Variants in EIF3D observed in about 807,000 individuals in gnomAD.
EIF3D encodes eukaryotic translation initiation factor 3 subunit D.
Under a neutral mutation model 75.4 loss-of-function variants are expected in EIF3D, and 10 were observed. That is an observed-to-expected ratio of 0.13 (90% CI 0.08 to 0.22). The LOEUF (loss-of-function observed/expected upper bound fraction) is 0.22. Among genes scored for constraint, EIF3D ranks in the 10% least tolerant of loss-of-function variants. EIF3D has a pLI of 1.00. For missense variants in EIF3D, 394 were observed against 708.0 expected, an observed-to-expected ratio of 0.56 and a Z score of 5.03; for synonymous variants, 246 against 248.3, an observed-to-expected ratio of 0.99 and a Z score of 0.09.
At chr22:36,511,270 A>AC in intron 14 of EIF3D, 1 of 879,056 alleles carries the variant, frequency 1.1e-6, no homozygotes, top group South Asian at 1.9e-5. Flanking sequence ...ATCTTCCTCT[A>AC]CCTCTGCCAC....
chr22:36,513,558 C>T (rs62229999), intron 12 of EIF3D, among the ~76,000 whole-genome samples: 3,881 of 152,322 alleles, frequency 0.025, 84 homozygotes, highest in Non-Finnish European at 0.04. Flanking sequence ...TCGCCCCGGC[C>T]TCCCAAAGTG....
In EIF3D at chr22:36,525,675, T is replaced by C. The variant is rs1490724642; in HGVS notation, c.158A>G (p.Lys53Arg). The change falls in exon 3 of 15, where the codon AAG (lysine) becomes AGG (arginine). Residue 53 changes from lysine (K) to arginine (R), a missense_variant. Transcript: ENST00000216190. The stretch of plus-strand genomic sequence containing the variant: ...GCAGAAACACTTACTTGTGTACCTC[T>C]TATCTTGGTATGTGGCTCCTGTCCA... Reference protein sequence around the residue: ...ADWTGATYQDKRYTNKYSSQF... With the variant: ...ADWTGATYQDRRYTNKYSSQF... 1.9e-6 allele frequency: 3 copies of C among 1,613,454 alleles called. No homozygotes were observed. In the South Asian group the frequency reaches 3.3e-5, roughly 18 times the overall value.
chr22:36,511,818 C>T, intron 13 of EIF3D, 32 bp from the exon 14 acceptor site: 3 of 1,596,044 alleles, frequency 1.9e-6, no homozygotes, highest in Non-Finnish European at 2.6e-6. Flanking sequence ...GTGGTCAGAG[C>T]AGGGCAGCAC....
intron 9 of EIF3D, among the ~76,000 whole-genome samples, chr22:36,518,541 T>A (rs1355197376): frequency 6.6e-6 from 1 of 151,546 alleles, no homozygotes; most frequent in Non-Finnish European, 1.5e-5. Flanking sequence ...AAGCTTGCTA[T>A]TAGGGTGCTG....
In EIF3D at chr22:36,511,560, T is replaced by A; in HGVS notation, c.1576A>T (p.Thr526Ser). Residue 526 changes from threonine (T) to serine (S), a missense_variant, in exon 14 of 15, where the codon ACC becomes TCC. By Grantham distance (58) the Thr-to-Ser change is moderately conservative. Transcript: ENST00000216190. Reference sequence around the variant, plus strand: ...TCCTCATCTTCATCAGAGCTGAAGGTGCCATCAGGGAGGCTGTAGACACGG... The same window carrying A: ...TCCTCATCTTCATCAGAGCTGAAGGAGCCATCAGGGAGGCTGTAGACACGG... ...VIRVYSLPDG[T>S]FSSDEDEEEE... 6.2e-7 allele frequency: 1 copy of A among 1,614,038 alleles called. No homozygotes were observed. The highest frequency in any genetic ancestry group is 8.5e-7 in the Non-Finnish European group (1 of 1,179,974).
At chr22:36,515,212 C>A (rs866766849) in intron 12 of EIF3D, among the ~76,000 whole-genome samples, 7 of 152,346 alleles carry the variant, frequency 4.6e-5, no homozygotes, top group Middle Eastern at 6.8e-3. Context: ...GACTTCTAAC[C>A]TACAAAACCG....
intron 12 of EIF3D, among the ~76,000 whole-genome samples, chr22:36,515,157 G>A (rs1187273078): frequency 2.0e-5 from 3 of 152,174 alleles, no homozygotes; most frequent in Non-Finnish European, 4.4e-5. Context: ...TTTCTTTACA[G>A]CAGTGTGACA....
intron 7 of EIF3D, among the ~76,000 whole-genome samples, chr22:36,519,977 C>T (rs1401293115): frequency 6.6e-6 from 1 of 152,144 alleles, no homozygotes. Context: ...ATAACTTAAT[C>T]TTATTGCTCT....
In EIF3D at chr22:36,517,376, G is replaced by C. The variant is rs1934444344; in HGVS notation, c.915C>G (p.Ser305=). The C allele has an allele frequency of 6.2e-7, 1 of 1,613,734 alleles. No homozygotes were observed. Among genetic ancestry groups the C allele is most frequent in the Non-Finnish European group, 8.5e-7 (1 of 1,179,888 alleles). ...ANEPPQDEGN[S]FNSPRNLAME... ...TGGCCAGGTTGCGGGGTGAATTGAA[G>C]GAATTACCTTCATCTTGAGGGGGCT... Residue 305 remains serine, a synonymous_variant, in exon 10 of 15, where the codon TCC becomes TCG. Transcript: ENST00000216190.
Position 36,516,739 on chromosome 22 carries a change from TGTC to T in EIF3D, c.1039_1041del (p.Asp347del). On this transcript the variant is annotated inframe_deletion, in exon 11 of 15. Transcript: ENST00000216190. ...ACAGAGGCGATTTCATTCTTATCCA[TGTC>T]GTCCTCCACAAACGGGTTTGGGTTG... 1 of 1,614,236 alleles carries T rather than the reference TGTC, an allele frequency of 6.2e-7. No individual in the cohort carries two copies. The highest frequency in any genetic ancestry group is 8.5e-7 in the Non-Finnish European group (1 of 1,180,044).
At chr22:36,519,686 C>T in intron 7 of EIF3D, 149 bp from the exon 8 acceptor site, 2 of 1,084,828 alleles carry the variant, frequency 1.8e-6, no homozygotes, top group Non-Finnish European at 2.6e-6. Context: ...ATCCTCAGTG[C>T]TTGCTCAGTT....
chr22:36,511,366 A>G (rs1373232293), intron 14 of EIF3D, 137 bp downstream of exon 14: 1 of 1,496,620 alleles, frequency 6.7e-7, no homozygotes, highest in African/African-American at 1.4e-5. Context: ...TTGGAGCCAA[A>G]GTGAATGCTT....
chr22:36,523,342 C>T (rs1934545174), intron 5 of EIF3D, 61 bp from the exon 6 acceptor site: 1 of 1,273,380 alleles, frequency 7.9e-7, no homozygotes, highest in African/African-American at 1.5e-5. Flanking sequence ...CTTCAAAAGG[C>T]ACACGCTGCC....
chr22:36,519,578 T>C (rs775731051), intron 7 of EIF3D, 41 bp from the exon 8 acceptor site: 3 of 1,608,984 alleles, frequency 1.9e-6, no homozygotes, highest in Non-Finnish European at 2.5e-6. Flanking sequence ...GTAAGAGAGA[T>C]AACCCCCAGT....
rs201042002 is a variant in EIF3D, at chr22:36,520,585, G to A, written c.569C>T (p.Pro190Leu). The change falls in exon 7 of 15, where the codon CCA becomes CTA. Residue 190 changes from proline (P) to leucine (L), a missense_variant. Physicochemically the swap from Pro to Leu is moderately conservative, Grantham distance 98. Coordinates refer to ENST00000216190, the MANE Select transcript of EIF3D (RefSeq NM_003753.4). The stretch of plus-strand genomic sequence containing the variant: ...AAAAGATGCTGCTTACATGTCCTGT[G>A]GCTCTGATACTTCCAAGTAGCGCAT... ...MKMRYLEVSE[P>L]QDIECCGALE... 6.2e-7 allele frequency: 1 copy of A among 1,611,348 alleles called. No homozygotes were observed. Among genetic ancestry groups the A allele is most frequent in the Non-Finnish European group, 8.5e-7 (1 of 1,177,696 alleles).
At chr22:36,520,867 CTA>C (rs1297785291) in intron 6 of EIF3D, among the ~76,000 whole-genome samples, 179 bp from the exon 7 acceptor site, 1 of 152,170 alleles carries the variant, frequency 6.6e-6, no homozygotes, top group Non-Finnish European at 1.5e-5. Context: ...CTGCAGTGAG[CTA>C]TGATTGCACT....
At chr22:36,512,640 C>G (rs1242309028) in intron 12 of EIF3D, 38 bp from the exon 13 acceptor site, 5 of 1,592,900 alleles carry the variant, frequency 3.1e-6, no homozygotes, top group Non-Finnish European at 3.4e-6. Context: ...GAAGCAAGCT[C>G]CAAATGCCCA....
intron 2 of EIF3D, 84 bp downstream of exon 2, chr22:36,525,915 T>C: frequency 6.5e-7 from 1 of 1,532,630 alleles, no homozygotes; most frequent in Non-Finnish European, 8.8e-7. Context: ...GGAGTTAAGA[T>C]TTTGAGACAA....
chr22:36,514,540 G>A (rs2145869874), intron 12 of EIF3D, among the ~76,000 whole-genome samples: 1 of 151,986 alleles, frequency 6.6e-6, no homozygotes, highest in East Asian at 1.9e-4. Flanking sequence ...GTCGGAGACG[G>A]AGGAAGTCAG....
Sources: gnomAD v4.1 joint callset for allele counts (sites outside exome capture counted in the v4.1 genomes callset) on GRCh38, gnomAD v4.1.1 for gene constraint, MANE v1.5 for transcripts, NCBI Gene and HGNC (gene_info 2026-07-23, HGNC 2026-07-21) for gene names.